UNC5D: variants seen among roughly 807,000 people sequenced by gnomAD.
The protein encoded by UNC5D is unc-5 netrin receptor D.
A neutral mutation model predicts 105.4 loss-of-function variants in UNC5D; 39 were observed. The observed-to-expected ratio is 0.37, with a 90% CI of 0.29 to 0.48. The LOEUF (loss-of-function observed/expected upper bound fraction) is 0.48, where lower values mean the gene tolerates loss of function less well. Among genes scored for constraint, UNC5D ranks in the 20% least tolerant of loss-of-function variants. UNC5D has a pLI of 0.98. For missense variants in UNC5D, 991 were observed against 1,202.4 expected (o/e 0.82, Z 2.60); for synonymous variants, 452 against 450.4 (o/e 1.00, Z -0.04).
intron 1 of UNC5D, among the ~76,000 whole-genome samples, chr8:35,389,763 C>T (rs1194957381): frequency 6.9e-6 from 1 of 145,358 alleles, no homozygotes; most frequent in Non-Finnish European, 1.5e-5. Context: ...AAAAAAGTCT[C>T]GTGGGGCAAT....
chr8:35,250,789 T>C (rs1277589070), intron 1 of UNC5D, among the ~76,000 whole-genome samples: 1 of 152,046 alleles, frequency 6.6e-6, no homozygotes, highest in Middle Eastern at 3.2e-3. Context: ...GAACCACCGC[T>C]CCTGGCCCCA....
In UNC5D at chr8:35,789,464, A is replaced by G. The variant is rs1278333325; in HGVS notation, c.2658-895A>G. On this transcript the variant is annotated intron_variant, in intron 16 of 16. Transcript: ENST00000404895. Reference sequence around the variant, plus strand: ...AAAGAAAAAAAATATAAAAGGAAGAATCAAAAACAAATGGTCTAGTGTGAG... The same window carrying G: ...AAAGAAAAAAAATATAAAAGGAAGAGTCAAAAACAAATGGTCTAGTGTGAG... Among the ~76,000 whole-genome samples the G allele has an allele frequency of 2.6e-5, 4 of 152,002 alleles. No individual in the cohort carries two copies. The East Asian group carries it at 5.9e-4, about 22-fold the overall frequency.
At chr8:35,489,806 G>A (rs963827924) in intron 1 of UNC5D, among the ~76,000 whole-genome samples, 12 of 152,132 alleles carry the variant, frequency 7.9e-5, no homozygotes, top group African/African-American at 2.7e-4. Context: ...TATTGCAAAC[G>A]TTTAAACATT....
At chr8:35,534,806 A>T (rs1427575173) in intron 1 of UNC5D, among the ~76,000 whole-genome samples, 3 of 152,156 alleles carry the variant, frequency 2.0e-5, no homozygotes, top group East Asian at 1.9e-4. Flanking sequence ...AAAAAGATTG[A>T]GAGTTACGAG....
At position 35,440,327 on chromosome 8, in the gene UNC5D, C is replaced by T. The variant is rs147821796; in HGVS notation, c.104-108965C>T. Among the ~76,000 whole-genome samples the T allele has an allele frequency of 3.9e-5, 6 of 152,064 alleles. No individual in the cohort carries two copies. The East Asian group carries it at 7.8e-4, about 20-fold the overall frequency. On this transcript the variant is annotated intron_variant, in intron 1 of 16. Coordinates refer to ENST00000404895, the MANE Select transcript of UNC5D (RefSeq NM_080872.4). ...TCACAGGAACACAAATCACTGTTAG[C>T]GAGTGCATTCTTCCAAACTCAGCCC...
intron 1 of UNC5D, among the ~76,000 whole-genome samples, chr8:35,523,240 G>A (rs1299262791): frequency 6.6e-6 from 1 of 151,836 alleles, no homozygotes; most frequent in Non-Finnish European, 1.5e-5. Context: ...ACACCACCAC[G>A]TCTAGCTAAC....
intron 11 of UNC5D, among the ~76,000 whole-genome samples, chr8:35,743,589 T>TA (rs112685629): frequency 4.1e-4 from 60 of 146,140 alleles, no homozygotes; most frequent in South Asian, 8.7e-4. Flanking sequence ...GCACTCACTT[T>TA]AAAAAAAAAA....
At chr8:35,278,135 G>A (rs1805896914) in intron 1 of UNC5D, among the ~76,000 whole-genome samples, 1 of 152,200 alleles carries the variant, frequency 6.6e-6, no homozygotes. Flanking sequence ...GTGAAAGCCA[G>A]TCTTCATCTA....
intron 1 of UNC5D, 110 bp downstream of exon 1, chr8:35,235,997 C>T (rs1802433312): frequency 4.0e-6 from 4 of 993,686 alleles, no homozygotes; most frequent in Non-Finnish European, 5.2e-6. Context: ...CCCTGCACCT[C>T]GGCGCTCCAA....
chr8:35,517,160 T>C (rs1195587041), intron 1 of UNC5D, among the ~76,000 whole-genome samples: 1 of 152,124 alleles, frequency 6.6e-6, no homozygotes, highest in African/African-American at 2.4e-5. Flanking sequence ...CCTTTAGGCC[T>C]CCCCTCCCCA....
At chr8:35,275,800 T>G (rs1805735794) in intron 1 of UNC5D, among the ~76,000 whole-genome samples, 1 of 152,254 alleles carries the variant, frequency 6.6e-6, no homozygotes. Flanking sequence ...TAACTTCAGT[T>G]TTGTTTGTGT....
At chr8:35,568,494 G>A (rs1314385786) in intron 3 of UNC5D, among the ~76,000 whole-genome samples, 1 of 152,242 alleles carries the variant, frequency 6.6e-6, no homozygotes, top group Non-Finnish European at 1.5e-5. Flanking sequence ...TTTGAGATGA[G>A]CCTGGCCAAC....
chr8:35,577,073 A>G (rs980657257), intron 3 of UNC5D, among the ~76,000 whole-genome samples: 2 of 152,216 alleles, frequency 1.3e-5, no homozygotes, highest in South Asian at 2.1e-4. Context: ...GTTTATTTAT[A>G]TAGAGAAAAT....
chr8:35,466,397 G>A (rs778450156), intron 1 of UNC5D, among the ~76,000 whole-genome samples: 1 of 152,004 alleles, frequency 6.6e-6, no homozygotes, highest in Non-Finnish European at 1.5e-5. Context: ...GCCTAACCTT[G>A]GATTTGAGTG....
intron 10 of UNC5D, among the ~76,000 whole-genome samples, chr8:35,729,938 G>A (rs759666479): frequency 2.6e-5 from 4 of 152,278 alleles, no homozygotes; most frequent in Middle Eastern, 3.4e-3. Context: ...TAAGGTTTAC[G>A]TTTTTTGGTT....
intron 3 of UNC5D, among the ~76,000 whole-genome samples, chr8:35,590,418 TA>T (rs1819090737): frequency 2.0e-5 from 3 of 152,168 alleles, no homozygotes; most frequent in Non-Finnish European, 4.4e-5. Flanking sequence ...TATTTTGGTA[TA>T]AAGACATTAA....
At chr8:35,380,108 A>AGAGAGAGAGAGAGACACC (rs1802941625) in intron 1 of UNC5D, among the ~76,000 whole-genome samples, 2 of 122,890 alleles carry the variant, frequency 1.6e-5, no homozygotes, top group African/African-American at 6.6e-5. Flanking sequence ...TCGGGGAGAG[A>AGAGAGAGAGAGAGACACC]GAGAGAGAGA....
At chr8:35,536,306 G>A (rs898043062) in intron 1 of UNC5D, among the ~76,000 whole-genome samples, 81 of 152,108 alleles carry the variant, frequency 5.3e-4, no homozygotes, top group African/African-American at 1.9e-3. Context: ...CCACATCCGA[G>A]CAGGCTCAAC....
At chr8:35,458,612 G>C (rs1456088717) in intron 1 of UNC5D, among the ~76,000 whole-genome samples, 1 of 152,304 alleles carries the variant, frequency 6.6e-6, no homozygotes, top group Non-Finnish European at 1.5e-5. Flanking sequence ...ATGAAAAGAG[G>C]TGTGCCGAGA....
Sources: gnomAD v4.1 joint callset for allele counts (sites outside exome capture counted in the v4.1 genomes callset) on GRCh38, gnomAD v4.1.1 for gene constraint, MANE v1.5 for transcripts, NCBI Gene and HGNC (gene_info 2026-07-23, HGNC 2026-07-21) for gene names.